The following CDC42BPA variants were observed in gnomAD, a reference collection of about 807,000 sequenced individuals.
CDC42BPA encodes CDC42 binding protein kinase alpha.
CDC42BPA carries 80 observed loss-of-function variants against 223.5 expected under a neutral mutation model. The observed-to-expected ratio is 0.36, with a 90% CI of 0.30 to 0.43. CDC42BPA has a LOEUF of 0.43. Ranked by LOEUF, CDC42BPA falls within the 20% of genes least tolerant of loss-of-function variation. The pLI is 1.00. For synonymous variants in CDC42BPA, 694 were observed against 718.6 expected (o/e 0.97, Z 0.55); for missense variants, 1,743 against 2,099.9 (o/e 0.83, Z 3.32).
intron 6 of CDC42BPA, among the ~76,000 whole-genome samples, chr1:227,150,177 T>C (rs1378860517): frequency 1.4e-5 from 2 of 147,996 alleles, no homozygotes; most frequent in Non-Finnish European, 3.0e-5. Context: ...TGAGCAGAGA[T>C]GGCATCACTG....
At chr1:227,293,755 G>A (rs1690117448) in intron 1 of CDC42BPA, among the ~76,000 whole-genome samples, 1 of 152,126 alleles carries the variant, frequency 6.6e-6, no homozygotes, top group East Asian at 1.9e-4. Flanking sequence ...AGGTTGCAGT[G>A]AGCCGAGATG....
chr1:227,027,237 A>G (rs1276206970), intron 30 of CDC42BPA, among the ~76,000 whole-genome samples: 4 of 152,228 alleles, frequency 2.6e-5, no homozygotes, highest in Non-Finnish European at 4.4e-5. Context: ...GGTGGGGGAA[A>G]AAAAAGTCTG....
intron 35 of CDC42BPA, 50 bp from the exon 36 acceptor site, chr1:226,995,030 C>A: frequency 6.5e-7 from 1 of 1,534,952 alleles, no homozygotes; most frequent in Non-Finnish European, 8.9e-7. Flanking sequence ...GGGGACAATA[C>A]TCTAGAAAGC....
intron 15 of CDC42BPA, among the ~76,000 whole-genome samples, chr1:227,097,059 T>C (rs1368039441): frequency 6.6e-6 from 1 of 152,148 alleles, no homozygotes; most frequent in African/African-American, 2.4e-5. Context: ...GGCCAACCCC[T>C]TCATTATGAA....
At chr1:227,143,307 T>TA (rs1161906579) in intron 8 of CDC42BPA, among the ~76,000 whole-genome samples, 2 of 152,216 alleles carry the variant, frequency 1.3e-5, no homozygotes, top group African/African-American at 4.8e-5. Flanking sequence ...GTGTAGAAGC[T>TA]AATATTTATT....
chr1:227,159,903 G>C (rs1663561485), intron 6 of CDC42BPA, among the ~76,000 whole-genome samples: 1 of 151,804 alleles, frequency 6.6e-6, no homozygotes, highest in Non-Finnish European at 1.5e-5. Flanking sequence ...GAGTGCAGTG[G>C]TGCAATCTTG....
chr1:227,196,625 C>T (rs1024214336), intron 4 of CDC42BPA, among the ~76,000 whole-genome samples: 3 of 152,140 alleles, frequency 2.0e-5, no homozygotes, highest in Non-Finnish European at 4.4e-5. Flanking sequence ...AGGCATGAGC[C>T]ACCGTGCCCG....
At chr1:227,300,833 C>G in intron 1 of CDC42BPA, among the ~76,000 whole-genome samples, 1 of 152,198 alleles carries the variant, frequency 6.6e-6, no homozygotes, top group East Asian at 1.9e-4. Context: ...AATTTACACA[C>G]ACGCACACAC....
chr1:227,146,911 C>T (rs1660806152), intron 7 of CDC42BPA, among the ~76,000 whole-genome samples: 1 of 152,058 alleles, frequency 6.6e-6, no homozygotes, highest in African/African-American at 2.4e-5. Context: ...TTAGAATGCC[C>T]ATCTCACTGC....
At chr1:227,011,780 T>C (rs1205182818) in intron 34 of CDC42BPA, among the ~76,000 whole-genome samples, 1 of 152,196 alleles carries the variant, frequency 6.6e-6, no homozygotes, top group African/African-American at 2.4e-5. Context: ...ATAAAAGAAC[T>C]ACTTCCGATT....
chr1:227,144,574 C>CAAAAAAAAAAAAAAAAAAAAAA (rs57568297), intron 8 of CDC42BPA, among the ~76,000 whole-genome samples: 1 of 63,476 alleles, frequency 1.6e-5, no homozygotes. Flanking sequence ...GACTCTGTCT[C>CAAAAAAAAAAAAAAAAAAAAAA]AAAAAAAAAA....
chr1:227,267,450 C>T (rs1572736311), intron 1 of CDC42BPA, among the ~76,000 whole-genome samples: 1 of 152,114 alleles, frequency 6.6e-6, no homozygotes, highest in East Asian at 1.9e-4. Flanking sequence ...AATGTACAAC[C>T]CAATCTATAT....
intron 24 of CDC42BPA, among the ~76,000 whole-genome samples, chr1:227,039,724 C>T (rs35817866): frequency 0.14 from 21,460 of 151,742 alleles, 1,905 homozygotes; most frequent in South Asian, 0.34. Context: ...AAAAAAAAAA[C>T]CTCTGCTATT....
At chr1:227,187,671 C>T in intron 5 of CDC42BPA, among the ~76,000 whole-genome samples, 1 of 14,352 alleles carries the variant, frequency 7.0e-5, no homozygotes, top group African/African-American at 2.8e-4. Flanking sequence ...GGATAAATGG[C>T]ACCCCCCACC....
At chr1:227,125,142 G>T (rs1257488051) in intron 11 of CDC42BPA, among the ~76,000 whole-genome samples, 1 of 151,754 alleles carries the variant, frequency 6.6e-6, no homozygotes, top group Non-Finnish European at 1.5e-5. Flanking sequence ...TAGGAAAGGG[G>T]TAGACCAGAA....
chr1:227,035,668 AAC>A, intron 24 of CDC42BPA, 61 bp from the exon 25 acceptor site: 1 of 1,234,956 alleles, frequency 8.1e-7, no homozygotes, highest in Non-Finnish European at 1.1e-6. Flanking sequence ...GAAAATTCGT[AAC>A]ACTCACTGCA....
intron 30 of CDC42BPA, among the ~76,000 whole-genome samples, chr1:227,027,828 T>G (rs1444908461): frequency 6.6e-6 from 1 of 152,222 alleles, no homozygotes; most frequent in Non-Finnish European, 1.5e-5. Context: ...TTAAAAGTAT[T>G]CAATGAGTCT....
At chr1:227,193,163 G>T (rs10799404) in intron 5 of CDC42BPA, among the ~76,000 whole-genome samples, 2 of 146,836 alleles carry the variant, frequency 1.4e-5, no homozygotes, top group African/African-American at 5.1e-5. Flanking sequence ...CCGCCTCCCG[G>T]GTTCACGCCA....
At chr1:227,068,675 T>A in intron 21 of CDC42BPA, 1 of 1,208,400 alleles carries the variant, frequency 8.3e-7, no homozygotes. Context: ...AATCAATCAG[T>A]GAAGATGAGG....
Sources: gnomAD v4.1 joint callset for allele counts (sites outside exome capture counted in the v4.1 genomes callset) on GRCh38, gnomAD v4.1.1 for gene constraint, MANE v1.5 for transcripts, NCBI Gene and HGNC (gene_info 2026-07-23, HGNC 2026-07-21) for gene names.